The following MAN2A1 variants were observed in gnomAD, a reference collection of about 807,000 sequenced individuals.
MAN2A1 encodes mannosidase alpha class 2A member 1, also known as alpha-mannosidase 2.
Under a neutral mutation model 142.6 loss-of-function variants are expected in MAN2A1, and 76 were observed. The ratio of observed to expected loss-of-function variants is 0.53; its 90% confidence interval spans 0.44 to 0.65. The LOEUF is 0.65. Ranked by LOEUF, MAN2A1 falls within the 30% of genes least tolerant of loss-of-function variation. The probability of loss-of-function intolerance (pLI) is 0.00; values close to 1 mark genes in which losing one functional copy is unlikely to be tolerated. For synonymous variants in MAN2A1, 559 were observed against 473.2 expected, an observed-to-expected ratio of 1.18 and a Z score of -2.35; for missense variants, 1,311 against 1,365.1, an observed-to-expected ratio of 0.96 and a Z score of 0.62.
intron 20 of MAN2A1, 106 bp from the exon 21 acceptor site, chr5:109,864,930 A>G (rs899851488): frequency 6.3e-6 from 5 of 792,406 alleles, no homozygotes; most frequent in Admixed American, 2.0e-5. Context: ...CTTTCTTGCT[A>G]AATAAATGTG....
intron 17 of MAN2A1, among the ~76,000 whole-genome samples, chr5:109,843,982 G>GT: frequency 6.6e-6 from 1 of 152,242 alleles, no homozygotes; most frequent in Non-Finnish European, 1.5e-5. Context: ...TCCTGCAAAA[G>GT]TTAAATTTAA....
chr5:109,731,364 T>A (rs1435520340), intron 4 of MAN2A1, among the ~76,000 whole-genome samples: 3 of 117,194 alleles, frequency 2.6e-5, no homozygotes, highest in Non-Finnish European at 5.3e-5. Context: ...TTCTTTTTTT[T>A]ATTATTATTA....
chr5:109,775,367 A>T (rs563198210), intron 8 of MAN2A1, among the ~76,000 whole-genome samples: 1 of 152,162 alleles, frequency 6.6e-6, no homozygotes, highest in Non-Finnish European at 1.5e-5. Context: ...GCAGATGCAG[A>T]TGAACATGTC....
intron 12 of MAN2A1, among the ~76,000 whole-genome samples, chr5:109,798,909 G>C (rs1753938094): frequency 6.6e-6 from 1 of 152,108 alleles, no homozygotes; most frequent in Non-Finnish European, 1.5e-5. Context: ...AGTCAGGATG[G>C]TCTCTATCTC....
At chr5:109,839,647 CTCTTT>C (rs1336611717) in intron 16 of MAN2A1, among the ~76,000 whole-genome samples, 2 of 131,232 alleles carry the variant, frequency 1.5e-5, no homozygotes, top group African/African-American at 5.5e-5. Context: ...CCCTGTCTCT[CTCTTT>C]TTTTTTTTTT....
Position 109,767,653 on chromosome 5 carries a change from T to A in MAN2A1, c.954T>A (p.Val318=). ...TTATCCAGAGAGTTCATTATGCAGTTAAAAAACACTTTGCACTGCATAAAA... is the reference window on the plus strand; with the variant it reads ...TTATCCAGAGAGTTCATTATGCAGTAAAAAAACACTTTGCACTGCATAAAA... ...HMLIQRVHYA[V]KKHFALHKTL... The change falls in exon 6 of 22, where the codon GTT becomes GTA. Residue 318 remains valine, a synonymous_variant. Coordinates refer to ENST00000261483, the MANE Select transcript of MAN2A1 (RefSeq NM_002372.4). 6.2e-7 allele frequency: 1 copy of A among 1,613,678 alleles called. No individual in the cohort carries two copies. Among genetic ancestry groups the A allele is most frequent in the Non-Finnish European group, 8.5e-7 (1 of 1,179,692 alleles).
At chr5:109,704,110 A>G (rs1490252066) in intron 1 of MAN2A1, among the ~76,000 whole-genome samples, 1 of 152,172 alleles carries the variant, frequency 6.6e-6, no homozygotes, top group African/African-American at 2.4e-5. Flanking sequence ...TCTGGCAGCT[A>G]CTAAGTTGGT....
At chr5:109,717,476 A>G (rs529900262) in intron 3 of MAN2A1, among the ~76,000 whole-genome samples, 2 of 152,314 alleles carry the variant, frequency 1.3e-5, no homozygotes, top group Admixed American at 6.5e-5. Flanking sequence ...TATTCTGGAA[A>G]TTTGTGATGA....
At chr5:109,733,679 T>G (rs989281408) in intron 4 of MAN2A1, among the ~76,000 whole-genome samples, 3 of 152,194 alleles carry the variant, frequency 2.0e-5, no homozygotes, top group African/African-American at 4.8e-5. Flanking sequence ...GATTAGCGTA[T>G]ATTGAACCAG....
At chr5:109,803,493 AATAAC>A (rs1754085156) in intron 12 of MAN2A1, among the ~76,000 whole-genome samples, 1 of 152,050 alleles carries the variant, frequency 6.6e-6, no homozygotes, top group Non-Finnish European at 1.5e-5. Context: ...GTTTCTTATA[AATAAC>A]ATCTTCATCC....
intron 20 of MAN2A1, among the ~76,000 whole-genome samples, chr5:109,859,461 C>T (rs923800480): frequency 6.6e-6 from 1 of 152,212 alleles, no homozygotes; most frequent in African/African-American, 2.4e-5. Flanking sequence ...CAGCATGCTG[C>T]GTGGCCTTGC....
chr5:109,734,710 G>A (rs1268613055), intron 4 of MAN2A1, among the ~76,000 whole-genome samples: 2 of 152,112 alleles, frequency 1.3e-5, no homozygotes, highest in African/African-American at 4.8e-5. Flanking sequence ...CTGAGTTCTA[G>A]TTTGATTGCA....
chr5:109,861,140 G>C (rs1431854164), intron 20 of MAN2A1, among the ~76,000 whole-genome samples: 2 of 152,116 alleles, frequency 1.3e-5, no homozygotes, highest in East Asian at 3.9e-4. Flanking sequence ...TTAACTCTCT[G>C]AGTGTCAGGC....
chr5:109,792,691 A>G (rs542490063), intron 12 of MAN2A1, among the ~76,000 whole-genome samples: 1 of 152,198 alleles, frequency 6.6e-6, no homozygotes, highest in Non-Finnish European at 1.5e-5. Flanking sequence ...ATACCATTGC[A>G]GGCAATTGGA....
intron 16 of MAN2A1, among the ~76,000 whole-genome samples, chr5:109,835,881 A>G (rs1755043251): frequency 6.6e-6 from 1 of 152,124 alleles, no homozygotes; most frequent in African/African-American, 2.4e-5. Context: ...GGCTTCAGAT[A>G]AATTGTTGAA....
At chr5:109,707,156 G>A (rs1342112009) in intron 1 of MAN2A1, among the ~76,000 whole-genome samples, 2 of 152,098 alleles carry the variant, frequency 1.3e-5, no homozygotes, top group Admixed American at 6.5e-5. Flanking sequence ...TGTGGCCAAC[G>A]TGGGTCCCAT....
chr5:109,734,106 C>G (rs377243555), intron 4 of MAN2A1, among the ~76,000 whole-genome samples: 9 of 151,402 alleles, frequency 5.9e-5, no homozygotes, highest in East Asian at 1.9e-4. Context: ...TGTATGTGTC[C>G]AGGAATTTAT....
chr5:109,717,357 G>A (rs1751485402), intron 3 of MAN2A1, among the ~76,000 whole-genome samples: 1 of 152,096 alleles, frequency 6.6e-6, no homozygotes, highest in African/African-American at 2.4e-5. Context: ...CGTGTGTGCT[G>A]CTTTTGGATG....
intron 1 of MAN2A1, among the ~76,000 whole-genome samples, chr5:109,696,541 A>G (rs1750817425): frequency 6.6e-6 from 1 of 152,100 alleles, no homozygotes; most frequent in Admixed American, 6.6e-5. Flanking sequence ...TGCTGTTGAC[A>G]TTTTGGGCCA....
Sources: allele counts gnomAD v4.1 joint callset (sites outside exome capture counted in the v4.1 genomes callset), GRCh38; gene constraint gnomAD v4.1.1; transcripts MANE v1.5; gene names NCBI Gene and HGNC (gene_info 2026-07-23, HGNC 2026-07-21).